Variants in PSMD11 observed in about 807,000 individuals in gnomAD.
The protein encoded by PSMD11 is proteasome 26S subunit, non-ATPase 11.
Under a neutral mutation model 62.3 loss-of-function variants are expected in PSMD11, and 5 were observed. That is an observed-to-expected ratio of 0.08 (90% CI 0.04 to 0.17). PSMD11 has a LOEUF of 0.17. Ranked by LOEUF, PSMD11 falls within the 10% of genes least tolerant of loss-of-function variation. PSMD11 has a pLI of 1.00. For synonymous variants in PSMD11, 191 were observed against 191.8 expected (o/e 1.00, Z 0.03); for missense variants, 310 against 512.9 (o/e 0.60, Z 3.82).
chr17:32,470,377 A>G (rs943761781), intron 6 of PSMD11, among the ~76,000 whole-genome samples: 5 of 151,318 alleles, frequency 3.3e-5, no homozygotes, highest in African/African-American at 4.9e-5. Flanking sequence ...CAGTGGCGCA[A>G]TCTTGGCTCA....
intron 3 of PSMD11, among the ~76,000 whole-genome samples, chr17:32,458,776 G>C (rs985085805): frequency 2.0e-5 from 3 of 152,072 alleles, no homozygotes; most frequent in Non-Finnish European, 2.9e-5. Flanking sequence ...GCTTCAAACT[G>C]TCTGGGGTTG....
rs1244169800 is a variant in PSMD11, at chr17:32,483,238, G to A, written c.*2486G>A. The A allele has an allele frequency of 1.3e-5, 2 of 152,196 alleles. No individual in the cohort carries two copies. 9.4% of individuals were successfully genotyped at this position (152,196 alleles called of 1,614,324 possible). A position where few individuals can be genotyped will look rare whatever the true frequency, so the allele number is the denominator to read the frequency against. On this transcript the variant is annotated 3_prime_UTR_variant, in exon 14 of 14. Transcript: ENST00000261712. ...AGTATGATAACAAAAGAAAAGGAGT[G>A]TAAAATATGTCAATAACTTTTTTAT...
intron 4 of PSMD11, 111 bp from the exon 5 acceptor site, chr17:32,464,410 C>A: frequency 2.3e-6 from 2 of 874,738 alleles, no homozygotes; most frequent in Non-Finnish European, 1.8e-6. Flanking sequence ...GAATTTGATG[C>A]TATCATCAGA....
rs1297734979 is a variant in PSMD11 at position 32,452,271 on chromosome 17, CT to C, written c.194-2223del. On this transcript the variant is annotated intron_variant, in intron 2 of 13. Coordinates refer to ENST00000261712, the MANE Select transcript of PSMD11 (RefSeq NM_002815.4). ...CTCTGGATTAGAGGAATGATATAGA[CT>C]GTATATCTGATGTAAGCAGGGTAGT... Among the ~76,000 whole-genome samples the C allele has an allele frequency of 2.4e-4, 36 of 152,300 alleles. 1 individual carries two copies. Among genetic ancestry groups the C allele is most frequent in the African/African-American group, 8.4e-4 (35 of 41,566 alleles).
At chr17:32,452,100 A>G (rs1224459697) in intron 2 of PSMD11, among the ~76,000 whole-genome samples, 2 of 152,170 alleles carry the variant, frequency 1.3e-5, no homozygotes, top group East Asian at 3.9e-4. Flanking sequence ...TGTTTTTGTA[A>G]ATAAAGTTTT....
intron 2 of PSMD11, among the ~76,000 whole-genome samples, chr17:32,454,113 G>T (rs1567852363): frequency 6.6e-6 from 1 of 152,138 alleles, no homozygotes; most frequent in Non-Finnish European, 1.5e-5. Flanking sequence ...CATATTTATT[G>T]GTTGTGAGGA....
intron 1 of PSMD11, chr17:32,445,701 G>C (rs1907312871): frequency 6.6e-6 from 1 of 152,246 alleles, no homozygotes; most frequent in African/African-American, 2.4e-5. Flanking sequence ...GAATGCACCT[G>C]TATGTGGGAC....
At chr17:32,469,466 C>A (rs984683620) in intron 6 of PSMD11, among the ~76,000 whole-genome samples, 5 of 152,222 alleles carry the variant, frequency 3.3e-5, no homozygotes, top group Admixed American at 6.5e-5. Context: ...TCCCTTAGCT[C>A]TTAGCCACTT....
chr17:32,459,119 T>C (rs1373652161), intron 3 of PSMD11, among the ~76,000 whole-genome samples: 2 of 135,640 alleles, frequency 1.5e-5, no homozygotes, highest in South Asian at 2.3e-4. Flanking sequence ...AAAATACATA[T>C]ATATATATAT....
chr17:32,473,505 C>T (rs1189111130), intron 6 of PSMD11, among the ~76,000 whole-genome samples: 1 of 152,018 alleles, frequency 6.6e-6, no homozygotes, highest in African/African-American at 2.4e-5. Flanking sequence ...ATCTTGAGCT[C>T]CTGACCTCAG....
chr17:32,444,916 G>A lies in PSMD11; in HGVS notation c.91+302G>A, dbSNP rs556131657. ...GGGATCCCTCCCTAGCCATGTCCCCGGCTCTGGCCCGCACGAGCTGGTCTG... is the reference window on the plus strand; with the variant it reads ...GGGATCCCTCCCTAGCCATGTCCCCAGCTCTGGCCCGCACGAGCTGGTCTG... On this transcript the variant is annotated intron_variant, in intron 1 of 13. Coordinates refer to ENST00000261712, the MANE Select transcript of PSMD11 (RefSeq NM_002815.4). 4.2e-4 allele frequency: 197 copies of A among 471,202 alleles called. 3 individuals are homozygous for A. The South Asian group carries it at 4.9e-3, about 12-fold the overall frequency. The allele number at this position is 471,202 out of a possible 1,614,324, so 29.2% of individuals were successfully genotyped here. A position where few individuals can be genotyped will look rare whatever the true frequency, so the allele number is the denominator to read the frequency against.
Position 32,480,944 on chromosome 17 carries a change from G to A in PSMD11, c.*192G>A, listed in dbSNP as rs1473851627. On this transcript the variant is annotated 3_prime_UTR_variant, in exon 14 of 14. Transcript: ENST00000261712. ...CATGTAATCTTTACTGGCCCAACTTGGGAGTGGGGAAATTGCTTAAAAAAA... is the reference window on the plus strand; with the variant it reads ...CATGTAATCTTTACTGGCCCAACTTAGGAGTGGGGAAATTGCTTAAAAAAA... 3.9e-6 allele frequency: 1 copy of A among 253,948 alleles called. No homozygotes were observed. Among genetic ancestry groups the A allele is most frequent in the African/African-American group, 2.2e-5 (1 of 44,904 alleles). 15.7% of individuals were successfully genotyped at this position (253,948 alleles called of 1,614,324 possible).
In PSMD11 at chr17:32,472,220, G is replaced by A. The variant is rs143086597; in HGVS notation, c.644-1581G>A. 1.2e-3 allele frequency among the ~76,000 whole-genome samples: 174 copies of A among 151,038 alleles called. 1 individual carries two copies. The South Asian group carries it at 0.028, about 24-fold the overall frequency. The stretch of plus-strand genomic sequence containing the variant: ...TCATCAGTAGGTTGGTGGAGTTGAC[G>A]TAGAGTTTTTTTTTTTTTTTGAGAC... On this transcript the variant is annotated intron_variant, in intron 6 of 13. Coordinates refer to ENST00000261712, the MANE Select transcript of PSMD11 (RefSeq NM_002815.4).
intron 2 of PSMD11, among the ~76,000 whole-genome samples, chr17:32,448,494 A>G (rs1417015102): frequency 1.3e-5 from 2 of 151,734 alleles, no homozygotes; most frequent in Non-Finnish European, 2.9e-5. Flanking sequence ...CAGCCTCCCG[A>G]GTAGCTGGGA....
At chr17:32,479,820 A>C in intron 10 of PSMD11, 31 bp from the exon 11 acceptor site, 1 of 1,608,570 alleles carries the variant, frequency 6.2e-7, no homozygotes, top group Non-Finnish European at 8.5e-7. Flanking sequence ...TAAAACTTTC[A>C]GTGTTGGTGT....
intron 6 of PSMD11, among the ~76,000 whole-genome samples, chr17:32,470,750 T>C (rs1441321016): frequency 6.6e-6 from 1 of 152,224 alleles, no homozygotes; most frequent in Non-Finnish European, 1.5e-5. Context: ...TGGCTTATTC[T>C]CTCTCTATAC....
At chr17:32,478,778 G>C (rs1019937131) in intron 9 of PSMD11, among the ~76,000 whole-genome samples, 1 of 152,108 alleles carries the variant, frequency 6.6e-6, no homozygotes, top group Admixed American at 6.6e-5. Flanking sequence ...AGAAATGCTT[G>C]TGTAGCTAAT....
intron 2 of PSMD11, among the ~76,000 whole-genome samples, chr17:32,453,916 G>A (rs1041779292): frequency 6.6e-6 from 1 of 152,118 alleles, no homozygotes; most frequent in African/African-American, 2.4e-5. Context: ...GCACTTTAAG[G>A]GCAAAACACT....
chr17:32,472,842 CTTTTTTTTTTTTT>C (rs74197607), intron 6 of PSMD11, among the ~76,000 whole-genome samples: 1 of 125,006 alleles, frequency 8.0e-6, no homozygotes, highest in Non-Finnish European at 1.7e-5. Flanking sequence ...CGGCCTTTTT[CTTTTTTTTTTTTT>C]TTTTTAAGAG....
Sources: allele counts gnomAD v4.1 joint callset (sites outside exome capture counted in the v4.1 genomes callset), GRCh38; gene constraint gnomAD v4.1.1; transcripts MANE v1.5; gene names NCBI Gene and HGNC (gene_info 2026-07-23, HGNC 2026-07-21).